The following CELSR1 variants were observed in gnomAD, a reference collection of about 807,000 sequenced individuals.
The protein encoded by CELSR1 is cadherin EGF LAG seven-pass G-type receptor 1.
A neutral mutation model predicts 249.1 loss-of-function variants in CELSR1; 110 were observed. The ratio of observed to expected loss-of-function variants is 0.44; its 90% CI spans 0.38 to 0.52. CELSR1 has a LOEUF of 0.52. Ranked by LOEUF, CELSR1 falls within the 20% of genes least tolerant of loss-of-function variation. The pLI, the probability that CELSR1 is intolerant of heterozygous loss-of-function variation, is 0.00. For missense variants in CELSR1, 4,109 were observed against 4,296.4 expected (o/e 0.96, Z 1.22); for synonymous variants, 2,113 against 1,900.0 (o/e 1.11, Z -2.92).
chr22:46,376,310 G>A (rs999435811), intron 24 of CELSR1, among the ~76,000 whole-genome samples: 8 of 152,178 alleles, frequency 5.3e-5, no homozygotes, highest in African/African-American at 1.2e-4. Flanking sequence ...CAACCTGGCC[G>A]TGGTTTTTAT....
At chr22:46,458,420 G>C (rs947270886) in intron 2 of CELSR1, among the ~76,000 whole-genome samples, 1 of 152,240 alleles carries the variant, frequency 6.6e-6, no homozygotes, top group Non-Finnish European at 1.5e-5. Context: ...GGCAGGAGAA[G>C]GCCCCACCAA....
chr22:46,527,468 G>A lies in CELSR1; in HGVS notation c.3544+6159C>T, dbSNP rs559400146. Among the ~76,000 whole-genome samples, 12 of 152,138 alleles carry A rather than the reference G, an allele frequency of 7.9e-5. No homozygotes were observed. The highest frequency in any genetic ancestry group is 1.6e-4 in the Non-Finnish European group (11 of 68,010). On this transcript the variant is annotated intron_variant, in intron 1 of 34. Coordinates refer to ENST00000674500, the MANE Select transcript of CELSR1 (RefSeq NM_001378328.1). The surrounding 1 kb of genome is among the most constrained non-coding windows in gnomAD (Gnocchi z 5.5). ...CCCATCACACACTGCACACGTCCAG[G>A]GGGGTAGAGAAGAGTCCCAGCCCGC...
At chr22:46,450,016 G>C (rs2079865571) in intron 2 of CELSR1, among the ~76,000 whole-genome samples, 1 of 150,270 alleles carries the variant, frequency 6.7e-6, no homozygotes, top group African/African-American at 2.5e-5. Context: ...TCCCACCGCA[G>C]GGCAGTGGAG....
chr22:46,480,086 T>C (rs1237801380), intron 1 of CELSR1, among the ~76,000 whole-genome samples: 2 of 152,258 alleles, frequency 1.3e-5, no homozygotes, highest in East Asian at 3.8e-4. Context: ...CCTCTTCTAC[T>C]GTTCACTCCT....
At chr22:46,477,512 G>T (rs1483574318) in intron 1 of CELSR1, among the ~76,000 whole-genome samples, 2 of 99,442 alleles carry the variant, frequency 2.0e-5, no homozygotes, top group East Asian at 3.9e-4. Context: ...TTGTTTTATT[G>T]GCTTTTTTTT....
intron 1 of CELSR1, among the ~76,000 whole-genome samples, chr22:46,524,851 C>T (rs2080723439): frequency 6.6e-6 from 1 of 152,166 alleles, no homozygotes; most frequent in Non-Finnish European, 1.5e-5. Context: ...ACGAAAACGG[C>T]TCCTGGGGGC....
chr22:46,442,935 CA>C (rs753745880), intron 2 of CELSR1, among the ~76,000 whole-genome samples: 2,541 of 140,542 alleles, frequency 0.018, 56 homozygotes, highest in African/African-American at 0.058. Flanking sequence ...ACTAAAAATA[CA>C]AAAAAAAAAA....
chr22:46,470,797 T>C (rs1026449828), intron 1 of CELSR1, among the ~76,000 whole-genome samples: 1 of 152,102 alleles, frequency 6.6e-6, no homozygotes, highest in East Asian at 1.9e-4. Context: ...CCTCCATTTC[T>C]GGCAGAGATA....
chr22:46,502,609 C>T (rs1237106859), intron 1 of CELSR1, among the ~76,000 whole-genome samples: 2 of 152,076 alleles, frequency 1.3e-5, no homozygotes, highest in Non-Finnish European at 2.9e-5. Flanking sequence ...CTTCCGAAGC[C>T]CCAGTGGCAT....
rs1569170325 is a variant in CELSR1 at position 46,448,281 on chromosome 22, A to G, written c.4184-8870T>C. 3.3e-5 allele frequency among the ~76,000 whole-genome samples: 5 copies of G among 152,034 alleles called. No individual in the cohort carries two copies. The highest frequency in any genetic ancestry group is 2.6e-4 in the Admixed American group (4 of 15,268). ...CACAAGCCCAGGGAAGACAGAGGGCATGGGGGTGGGGGCAGAGGGCCCACG... is the reference window on the plus strand; with the variant it reads ...CACAAGCCCAGGGAAGACAGAGGGCGTGGGGGTGGGGGCAGAGGGCCCACG... On this transcript the variant is annotated intron_variant, in intron 2 of 34. Transcript: ENST00000674500. The surrounding 1 kb of genome is among the most constrained non-coding windows in gnomAD (Gnocchi z 5.7).
rs1491154586 is a variant in CELSR1, at chr22:46,395,869, TAC to T, written c.5843+734_5843+735del. ...TACCCAGCGATCCCCGTGCAAAGGG[TAC>T]AGAGCCCAGAGCCCAGAGAGCACGC... On this transcript the variant is annotated intron_variant, in intron 13 of 34. Transcript: ENST00000674500. This position sits in a 1 kb window ranked among gnomAD's most constrained non-coding sequence, Gnocchi z 5.5. Among the ~76,000 whole-genome samples, 1 of 152,138 alleles carries T rather than the reference TAC, an allele frequency of 6.6e-6. No homozygotes were observed. Among genetic ancestry groups the T allele is most frequent in the East Asian group, 1.9e-4 (1 of 5,184 alleles).
rs554827491 is a variant in CELSR1, at chr22:46,518,948, G to A, written c.3544+14679C>T. Among the ~76,000 whole-genome samples the A allele has an allele frequency of 1.7e-4, 26 of 152,066 alleles. No homozygotes were observed. The highest frequency in any genetic ancestry group is 4.3e-4 in the African/African-American group (18 of 41,486). On this transcript the variant is annotated intron_variant, in intron 1 of 34. Coordinates refer to ENST00000674500, the MANE Select transcript of CELSR1 (RefSeq NM_001378328.1). This position sits in a 1 kb window ranked among gnomAD's most constrained non-coding sequence, Gnocchi z 5.2. ...CTCGGGAGGCAGAGGCAGGAGAATC[G>A]CTTAAACCCAGGAGGCAAAGGTTGC...
rs564937637 is a variant in CELSR1 at position 46,411,865 on chromosome 22, G to A, written c.4612-106C>T. The A allele has an allele frequency of 2.1e-5, 30 of 1,442,848 alleles. No individual in the cohort carries two copies. Among genetic ancestry groups the A allele is most frequent in the South Asian group, 1.2e-4 (10 of 81,964 alleles). 89.4% of individuals were successfully genotyped at this position (1,442,848 alleles called of 1,614,324 possible). On this transcript the variant is annotated intron_variant, in intron 5 of 34. Transcript: ENST00000674500. This position sits in a 1 kb window ranked among gnomAD's most constrained non-coding sequence, Gnocchi z 4.2. ...GAGGAGGACATGGCACAGGGTGGGC[G>A]GCACGTAGACAAGGGATGAGGAGCC...
In CELSR1 at chr22:46,454,678, G is replaced by A. The variant is rs2079926106; in HGVS notation, c.4183+9029C>T. On this transcript the variant is annotated intron_variant, in intron 2 of 34. Transcript: ENST00000674500. The surrounding 1 kb of genome is among the most constrained non-coding windows in gnomAD (Gnocchi z 5.1). ...CACCTCCAAGCTGTCCGGGTGGGAC[G>A]CGGGAAACCCTCTGCTCCTGCGCTT... is the stretch of plus-strand genomic sequence containing the variant. Among the ~76,000 whole-genome samples, 1 of 152,216 alleles carries A rather than the reference G, an allele frequency of 6.6e-6. No individual in the cohort carries two copies. Among genetic ancestry groups the A allele is most frequent in the Non-Finnish European group, 1.5e-5 (1 of 68,034 alleles).
Position 46,374,856 on chromosome 22 carries a change from C to T in CELSR1, c.7585-1799G>A, listed in dbSNP as rs552193154. Among the ~76,000 whole-genome samples the T allele has an allele frequency of 1.3e-5, 2 of 152,286 alleles. No homozygotes were observed. The highest frequency in any genetic ancestry group is 4.1e-4 in the South Asian group (2 of 4,826). ...AAACCCCTCCGCAGGAGCAGCGACC[C>T]TGCCATATGGGCCCCGCACACGGAG... On this transcript the variant is annotated intron_variant, in intron 24 of 34. Transcript: ENST00000674500. The surrounding 1 kb of genome is among the most constrained non-coding windows in gnomAD (Gnocchi z 4.3).
Position 46,396,726 on chromosome 22 carries a change from C to T in CELSR1, c.5722G>A (p.Val1908Met), listed in dbSNP as rs765095935. Residue 1908 changes from valine to methionine, a missense_variant, in exon 13 of 35, where the codon GTG (valine) becomes ATG (methionine). Val to Met is a conservative substitution (Grantham distance 21, BLOSUM62 1). Around this residue, in one of 7 missense-constraint regions of CELSR1, gnomAD observed 1,805 missense variants for 1,831.6 expected, o/e 0.99. Transcript: ENST00000674500. This position sits in a 1 kb window ranked among gnomAD's most constrained non-coding sequence, Gnocchi z 6.4. ...CAGGGGTTCAGGTGACAGGCATCCACACAGTTTATTCCAAGGTACCCTGCA... is the reference window on the plus strand; with the variant it reads ...CAGGGGTTCAGGTGACAGGCATCCATACAGTTTATTCCAAGGTACCCTGCA... ...CDKGYLGINCVDACHLNPCEN... is the reference protein window; with the variant it reads ...CDKGYLGINCMDACHLNPCEN... 3 of 1,612,918 alleles carry T rather than the reference C, an allele frequency of 1.9e-6. No homozygotes were observed. Among genetic ancestry groups the T allele is most frequent in the East Asian group, 2.2e-5 (1 of 44,792 alleles).
chr22:46,509,878 C>T (rs914236594), intron 1 of CELSR1, among the ~76,000 whole-genome samples: 7 of 152,184 alleles, frequency 4.6e-5, no homozygotes, highest in African/African-American at 1.7e-4. Flanking sequence ...AGTCCTTCTC[C>T]AAGATGTCAT....
Position 46,391,302 on chromosome 22 carries a change from A to C in CELSR1, c.6149-15T>G. On this transcript the variant is annotated splice_polypyrimidine_tract_variant and intron_variant, in intron 15 of 34. Transcript: ENST00000674500. This position sits in a 1 kb window ranked among gnomAD's most constrained non-coding sequence, Gnocchi z 4.3. Reference sequence around the variant, plus strand: ...ATTGTAGATCACTGGGGTAGAGAAGAGAGAAGTCTGCTCAGCGGGGCACGC... The same window carrying C: ...ATTGTAGATCACTGGGGTAGAGAAGCGAGAAGTCTGCTCAGCGGGGCACGC... The C allele has an allele frequency of 6.2e-7, 1 of 1,610,996 alleles. No homozygotes were observed. Among genetic ancestry groups the C allele is most frequent in the Non-Finnish European group, 8.5e-7 (1 of 1,177,910 alleles).
intron 9 of CELSR1, among the ~76,000 whole-genome samples, chr22:46,403,375 C>T (rs1217473963): frequency 4.1e-5 from 6 of 147,362 alleles, no homozygotes; most frequent in African/African-American, 7.7e-5. Flanking sequence ...GGTGAAACCC[C>T]GTGTCTACTA....
Sources: gnomAD v4.1 joint callset for allele counts (sites outside exome capture counted in the v4.1 genomes callset) on GRCh38, gnomAD v4.1.1 for gene constraint, gnomAD v4.1.1 regional missense constraint, Gnocchi (gnomAD v3.1) non-coding constraint, MANE v1.5 for transcripts, NCBI Gene and HGNC (gene_info 2026-07-23, HGNC 2026-07-21) for gene names.